The following DNAAF4 variants were observed in gnomAD, a reference collection of about 807,000 sequenced individuals.
DNAAF4 encodes dynein axonemal assembly factor 4, also known as dynein assembly factor 4, axonemal.
Under a neutral mutation model 51.8 loss-of-function variants are expected in DNAAF4, and 43 were observed. That is an observed-to-expected ratio of 0.83 (90% CI 0.65 to 1.07). The LOEUF (loss-of-function observed/expected upper bound fraction) is 1.07, where lower values mean the gene tolerates loss of function less well. Ranked by LOEUF, DNAAF4 falls within the 50% of genes least tolerant of loss-of-function variation. The probability of loss-of-function intolerance (pLI) is 0.00; values close to 1 mark genes in which losing one functional copy is unlikely to be tolerated. For missense variants in DNAAF4, 581 were observed against 493.0 expected (o/e 1.18, Z -1.69); for synonymous variants, 194 against 165.6 (o/e 1.17, Z -1.32).
At chr15:55,422,184 C>T (rs2057394239) in intron 7 of DNAAF4, among the ~76,000 whole-genome samples, 1 of 151,832 alleles carries the variant, frequency 6.6e-6, no homozygotes, top group Admixed American at 6.6e-5. Flanking sequence ...CGGGAAAAAA[C>T]ATAAAATAGA....
intron 4 of DNAAF4, among the ~76,000 whole-genome samples, chr15:55,478,786 A>G (rs1341093689): frequency 2.0e-5 from 3 of 152,208 alleles, no homozygotes; most frequent in Non-Finnish European, 4.4e-5. Flanking sequence ...ACCTTTCTGG[A>G]GTTGCATCCC....
chr15:55,503,752 C>G (rs143264408), intron 1 of DNAAF4, among the ~76,000 whole-genome samples: 1 of 152,144 alleles, frequency 6.6e-6, no homozygotes, highest in Admixed American at 6.6e-5. Flanking sequence ...TCTCAATAAA[C>G]TAGGTATTGT....
chr15:55,457,000 G>A (rs886078695), intron 5 of DNAAF4, among the ~76,000 whole-genome samples: 4 of 152,188 alleles, frequency 2.6e-5, no homozygotes, highest in Admixed American at 1.3e-4. Context: ...TAATAATTTT[G>A]ACTGAGCAGG....
chr15:55,474,114 A>T (rs1320017105), intron 4 of DNAAF4, among the ~76,000 whole-genome samples: 1 of 152,252 alleles, frequency 6.6e-6, no homozygotes, highest in East Asian at 1.9e-4. Context: ...AAACTTTTAA[A>T]AATAAGAAAT....
At chr15:55,457,516 T>C (rs1380203783) in intron 5 of DNAAF4, among the ~76,000 whole-genome samples, 1 of 152,108 alleles carries the variant, frequency 6.6e-6, no homozygotes, top group African/African-American at 2.4e-5. Flanking sequence ...CGAGTACTTG[T>C]CCCGGCCAAC....
intron 8 of DNAAF4, 120 bp from the exon 9 acceptor site, chr15:55,432,722 G>A: frequency 1.3e-6 from 1 of 744,556 alleles, no homozygotes. Flanking sequence ...GAGGTAGGTG[G>A]ATCACCTGAA....
chr15:55,485,160 C>T (rs1011344875), intron 4 of DNAAF4, among the ~76,000 whole-genome samples: 2 of 151,970 alleles, frequency 1.3e-5, no homozygotes, highest in African/African-American at 2.4e-5. Flanking sequence ...CAGGAGATAC[C>T]AAAAGTACAG....
Position 55,485,470 on chromosome 15 carries a change from T to C in DNAAF4, c.405+5653A>G, listed in dbSNP as rs568636182. ...CATTAAATAGACAACTAGCAACTCA[T>C]ACCTTATCTGCATGATCAGGCAAAC... On this transcript the variant is annotated intron_variant, in intron 4 of 9. Transcript: ENST00000321149. 1.2e-4 allele frequency among the ~76,000 whole-genome samples: 18 copies of C among 152,302 alleles called. No individual in the cohort carries two copies. The East Asian group carries it at 3.5e-3, about 29-fold the overall frequency.
chr15:55,494,319 G>C (rs1398867428), intron 3 of DNAAF4, among the ~76,000 whole-genome samples: 2 of 152,096 alleles, frequency 1.3e-5, no homozygotes, highest in African/African-American at 4.8e-5. Flanking sequence ...GTGAGCCAGC[G>C]CGCCCGGCAA....
chr15:55,450,279 A>G lies in DNAAF4; in HGVS notation c.726T>C (p.Phe242=). 6.2e-7 allele frequency: 1 copy of G among 1,614,102 alleles called. No individual in the cohort carries two copies. The highest frequency in any genetic ancestry group is 8.5e-7 in the Non-Finnish European group (1 of 1,180,014). ...PRSVGSIKIN[F]TPRVFPTALR... The stretch of plus-strand genomic sequence containing the variant: ...GAGCTGTTGGGAATACTCGAGGGGT[A>G]AAGTTGATTTTAATACTGCCAACAG... Residue 242 remains phenylalanine, a synonymous_variant, in exon 6 of 10, where the codon TTT becomes TTC. Transcript: ENST00000321149.
chr15:55,443,493 T>G (rs1360506287), intron 6 of DNAAF4: 3 of 514,640 alleles, frequency 5.8e-6, no homozygotes, highest in Admixed American at 3.4e-5. Context: ...TTGTGAATAG[T>G]GCTGCAATAA....
At position 55,466,865 on chromosome 15, in the gene DNAAF4, A is replaced by C. The variant is rs984303274; in HGVS notation, c.637+65T>G. The C allele has an allele frequency of 1.9e-6, 3 of 1,553,276 alleles. No homozygotes were observed. The African/African-American group carries it at 4.2e-5, about 22-fold the overall frequency. On this transcript the variant is annotated intron_variant, in intron 5 of 9. Coordinates refer to ENST00000321149, the MANE Select transcript of DNAAF4 (RefSeq NM_130810.4). Reference sequence around the variant, plus strand: ...AATGCTGTGAATAGATTTACAAAAAAAGAAAAGCGTCATATATACTTCACC... The same window carrying C: ...AATGCTGTGAATAGATTTACAAAAACAGAAAAGCGTCATATATACTTCACC...
chr15:55,489,032 T>A (rs1449400162), intron 4 of DNAAF4, among the ~76,000 whole-genome samples: 1 of 151,368 alleles, frequency 6.6e-6, no homozygotes, highest in Non-Finnish European at 1.5e-5. Context: ...GAGCTTGCAG[T>A]GAGCTGAGAT....
chr15:55,471,571 C>T (rs1017018263), intron 4 of DNAAF4, among the ~76,000 whole-genome samples: 31 of 147,706 alleles, frequency 2.1e-4, no homozygotes, highest in African/African-American at 6.7e-4. Flanking sequence ...TGGAGTGCAG[C>T]GGCACGATCT....
chr15:55,448,905 G>GTTATATATATAATGTTATAACAT (rs1448946673), intron 6 of DNAAF4, among the ~76,000 whole-genome samples: 1 of 150,852 alleles, frequency 6.6e-6, no homozygotes, highest in Non-Finnish European at 1.5e-5. Context: ...TATTATAACT[G>GTTATATATATAATGTTATAACAT]TATAATTATA....
At chr15:55,460,178 TA>T (rs1248533529) in intron 5 of DNAAF4, among the ~76,000 whole-genome samples, 6 of 130,932 alleles carry the variant, frequency 4.6e-5, no homozygotes, top group Non-Finnish European at 7.1e-5. Flanking sequence ...TTTATTTACT[TA>T]TTTATTTATT....
chr15:55,452,914 C>T (rs1384608354), intron 5 of DNAAF4, among the ~76,000 whole-genome samples: 2 of 152,132 alleles, frequency 1.3e-5, no homozygotes, highest in Non-Finnish European at 2.9e-5. Context: ...AGGGTAGGAC[C>T]TCCCGGGTTC....
chr15:55,500,761 G>C (rs1232034030), intron 1 of DNAAF4, among the ~76,000 whole-genome samples: 1 of 152,058 alleles, frequency 6.6e-6, no homozygotes, highest in Non-Finnish European at 1.5e-5. Context: ...GGAAGGCCGA[G>C]GTGGGCGGAT....
At chr15:55,506,357 A>G (rs1335469999) in intron 1 of DNAAF4, among the ~76,000 whole-genome samples, 1 of 152,184 alleles carries the variant, frequency 6.6e-6, no homozygotes, top group Admixed American at 6.5e-5. Flanking sequence ...TTCCTAGGTG[A>G]TGCTGATGCT....
Sources: allele counts gnomAD v4.1 joint callset (sites outside exome capture counted in the v4.1 genomes callset), GRCh38; gene constraint gnomAD v4.1.1; transcripts MANE v1.5; gene names NCBI Gene and HGNC (gene_info 2026-07-23, HGNC 2026-07-21).